DAB1: variants seen among roughly 807,000 people sequenced by gnomAD.
The protein encoded by DAB1 is disabled homolog 1.
Under a neutral mutation model 64.6 loss-of-function variants are expected in DAB1, and 15 were observed. That is an observed-to-expected ratio of 0.23 (90% confidence interval 0.16 to 0.36). DAB1 has a LOEUF of 0.36. Among genes scored for constraint, DAB1 ranks in the 10% least tolerant of loss-of-function variants. The probability of loss-of-function intolerance (pLI) is 1.00; values close to 1 mark genes in which losing one functional copy is unlikely to be tolerated. For missense variants in DAB1, 596 were observed against 706.7 expected, an observed-to-expected ratio of 0.84 and a Z score of 1.78; for synonymous variants, 235 against 251.9, an observed-to-expected ratio of 0.93 and a Z score of 0.64.
At chr1:58,347,239 C>T (rs1284030270) in intron 3 of DAB1, among the ~76,000 whole-genome samples, 8 of 152,116 alleles carry the variant, frequency 5.3e-5, no homozygotes, top group African/African-American at 1.7e-4. Flanking sequence ...TCCCAAGTAG[C>T]GTGCATTACA....
intron 1 of DAB1, among the ~76,000 whole-genome samples, chr1:57,844,584 T>C (rs1465057981): frequency 2.0e-5 from 3 of 152,218 alleles, no homozygotes; most frequent in Non-Finnish European, 4.4e-5. Flanking sequence ...ACCATATCAC[T>C]TATCCCATAT....
chr1:58,105,723 G>C (rs1461961880), intron 5 of DAB1, among the ~76,000 whole-genome samples: 1 of 152,164 alleles, frequency 6.6e-6, no homozygotes, highest in East Asian at 1.9e-4. Flanking sequence ...AAGGCACTTA[G>C]GAATAATGAG....
chr1:57,174,221 A>G (rs187023531), intron 2 of DAB1, among the ~76,000 whole-genome samples: 12 of 152,302 alleles, frequency 7.9e-5, no homozygotes, highest in Admixed American at 3.3e-4. Context: ...TTGGTATTTC[A>G]TGACTTACCC....
chr1:57,371,473 G>T (rs548335219), intron 1 of DAB1, among the ~76,000 whole-genome samples: 1 of 152,220 alleles, frequency 6.6e-6, no homozygotes, highest in South Asian at 2.1e-4. Context: ...GTTTTTAATG[G>T]AACTATGTGA....
At chr1:57,924,242 C>T (rs538680617) in intron 5 of DAB1, among the ~76,000 whole-genome samples, 52 of 152,300 alleles carry the variant, frequency 3.4e-4, no homozygotes, top group Middle Eastern at 3.4e-3. Context: ...AGCTGACTAT[C>T]GGATGGAAGA....
chr1:58,011,340 G>A (rs1188006), intron 5 of DAB1, among the ~76,000 whole-genome samples: 60,501 of 152,110 alleles, frequency 0.4, 12,436 homozygotes, highest in East Asian at 0.64. Context: ...TCTGGAAGGG[G>A]TTCAAGTACT....
chr1:58,131,215 C>T (rs1291050063), intron 5 of DAB1, among the ~76,000 whole-genome samples: 2 of 146,400 alleles, frequency 1.4e-5, no homozygotes, highest in Non-Finnish European at 3.0e-5. Context: ...ATTTCATCTT[C>T]CATTGCTGAT....
intron 1 of DAB1, among the ~76,000 whole-genome samples, chr1:58,534,850 C>T (rs1030309144): frequency 2.0e-5 from 3 of 152,092 alleles, no homozygotes; most frequent in East Asian, 1.9e-4. Context: ...GTGGGAGGAT[C>T]GCTTGAGTCT....
intron 5 of DAB1, among the ~76,000 whole-genome samples, chr1:58,043,831 G>A (rs1277574414): frequency 2.6e-5 from 4 of 152,136 alleles, no homozygotes; most frequent in South Asian, 2.1e-4. Flanking sequence ...AGGTTCAAGC[G>A]ATTCTTCTGC....
At chr1:57,136,098 A>T (rs1278707884) in intron 4 of DAB1, among the ~76,000 whole-genome samples, 4 of 152,160 alleles carry the variant, frequency 2.6e-5, no homozygotes, top group Admixed American at 6.5e-5. Context: ...TTTAAGATTG[A>T]GAACTCCATT....
intron 9 of DAB1, among the ~76,000 whole-genome samples, chr1:57,054,985 C>A (rs1041201479): frequency 6.6e-6 from 1 of 152,212 alleles, no homozygotes; most frequent in Non-Finnish European, 1.5e-5. Context: ...AAGGTACTTA[C>A]ATTTCTCCTT....
chr1:57,978,422 G>C (rs1292680497), intron 5 of DAB1, among the ~76,000 whole-genome samples: 2 of 152,062 alleles, frequency 1.3e-5, no homozygotes, highest in African/African-American at 4.8e-5. Context: ...AACTCAAGAT[G>C]GATCAAAGAC....
At chr1:57,029,046 T>C (rs1646883686) in intron 9 of DAB1, among the ~76,000 whole-genome samples, 2 of 152,206 alleles carry the variant, frequency 1.3e-5, no homozygotes, top group Non-Finnish European at 2.9e-5. Flanking sequence ...GAGACCTTCA[T>C]GGCAGCCCTT....
At chr1:58,490,657 G>A (rs1460963228) in intron 3 of DAB1, among the ~76,000 whole-genome samples, 5 of 152,032 alleles carry the variant, frequency 3.3e-5, no homozygotes, top group Non-Finnish European at 5.9e-5. Context: ...CACCAAAGTT[G>A]AAATGAAGGA....
intron 4 of DAB1, among the ~76,000 whole-genome samples, chr1:58,232,088 G>A (rs924215777): frequency 3.3e-5 from 5 of 152,148 alleles, no homozygotes; most frequent in South Asian, 4.2e-4. Context: ...AGTCACTCAC[G>A]GCTTCTGACC....
intron 5 of DAB1, among the ~76,000 whole-genome samples, chr1:57,907,858 T>C (rs1644577249): frequency 7.1e-6 from 1 of 140,920 alleles, no homozygotes; most frequent in African/African-American, 2.6e-5. Flanking sequence ...ACCTAGAAGG[T>C]ATGTGTATAT....
chr1:57,193,350 G>A (rs1391322285), intron 2 of DAB1, among the ~76,000 whole-genome samples: 8 of 141,476 alleles, frequency 5.7e-5, no homozygotes, highest in African/African-American at 1.3e-4. Flanking sequence ...TTTCACTTAC[G>A]TAATGCCTTC....
intron 4 of DAB1, among the ~76,000 whole-genome samples, chr1:58,286,134 C>T (rs191820796): frequency 2.0e-5 from 3 of 152,260 alleles, no homozygotes; most frequent in Non-Finnish European, 2.9e-5. Flanking sequence ...TGAAACTGAA[C>T]TCCTGCCTTA....
At chr1:57,379,826 T>C (rs754088962) in intron 1 of DAB1, among the ~76,000 whole-genome samples, 14 of 152,160 alleles carry the variant, frequency 9.2e-5, no homozygotes, top group Non-Finnish European at 2.1e-4. Context: ...CCAACCTTCA[T>C]GAAGAAGAAG....
Sources: allele counts gnomAD v4.1 joint callset (sites outside exome capture counted in the v4.1 genomes callset), GRCh38; gene constraint gnomAD v4.1.1; transcripts MANE v1.5; gene names NCBI Gene and HGNC (gene_info 2026-07-23, HGNC 2026-07-21).